FREM2: variants seen among roughly 807,000 people sequenced by gnomAD.
FREM2 encodes FRAS1-related extracellular matrix protein 2.
Under a neutral mutation model 219.9 loss-of-function variants are expected in FREM2, and 119 were observed. The observed-to-expected ratio is 0.54, with a 90% CI of 0.47 to 0.63. The LOEUF (loss-of-function observed/expected upper bound fraction) is 0.63, where lower values mean the gene tolerates loss of function less well. Ranked by LOEUF, FREM2 falls within the 30% of genes least tolerant of loss-of-function variation. FREM2 has a pLI of 0.00. For missense variants in FREM2, 4,030 were observed against 3,993.6 expected (o/e 1.01, Z -0.25); for synonymous variants, 1,562 against 1,522.8 (o/e 1.03, Z -0.60).
chr13:38,758,787 T>C (rs964326366), intron 2 of FREM2, among the ~76,000 whole-genome samples: 1 of 152,228 alleles, frequency 6.6e-6, no homozygotes, highest in African/African-American at 2.4e-5. Context: ...CCATAATCAC[T>C]AGCATTGATT....
intron 4 of FREM2, among the ~76,000 whole-genome samples, chr13:38,778,023 T>C (rs969999290): frequency 6.6e-6 from 1 of 152,242 alleles, no homozygotes; most frequent in African/African-American, 2.4e-5. Context: ...CAAACCTGCA[T>C]GTGTCATAAG....
chr13:38,706,259 G>GA (rs1312198980), intron 2 of FREM2, among the ~76,000 whole-genome samples: 7 of 152,154 alleles, frequency 4.6e-5, no homozygotes, highest in Non-Finnish European at 1.0e-4. Context: ...GGGTAGTTTT[G>GA]ATTGCAAATC....
chr13:38,873,528 G>A (rs1945511), intron 17 of FREM2, among the ~76,000 whole-genome samples: 2 of 152,050 alleles, frequency 1.3e-5, no homozygotes, highest in African/African-American at 4.8e-5. Flanking sequence ...CTGCGAACTC[G>A]GATTGTGAAT....
At chr13:38,861,673 A>C (rs1877768835) in intron 15 of FREM2, 111 bp downstream of exon 15, 3 of 1,207,738 alleles carry the variant, frequency 2.5e-6, no homozygotes, top group East Asian at 4.7e-5. Context: ...TCAATTTGCA[A>C]CTTGAGCTTC....
intron 2 of FREM2, among the ~76,000 whole-genome samples, chr13:38,709,662 A>C (rs1337572211): frequency 6.6e-6 from 1 of 152,158 alleles, no homozygotes; most frequent in African/African-American, 2.4e-5. Context: ...TCCTCAAATC[A>C]CACGGATAAT....
chr13:38,856,330 G>A, intron 12 of FREM2, 74 bp downstream of exon 12: 4 of 1,366,290 alleles, frequency 2.9e-6, no homozygotes, highest in Non-Finnish European at 4.2e-6. Flanking sequence ...CAATCACATA[G>A]TGTACAACAA....
In FREM2 at chr13:38,881,101, G is replaced by T. The variant is rs551804129; in HGVS notation, c.*314G>T. The T allele has an allele frequency of 2.4e-5, 10 of 414,606 alleles. No homozygotes were observed. In the East Asian group the frequency reaches 5.2e-4, roughly 21 times the overall value. 25.7% of individuals were successfully genotyped at this position (414,606 alleles called of 1,614,324 possible). ...GCAGTGGAGATAAATCTATTAAAAGGTGCTAACAGACTCTCTTACAAGTGT... is the reference window on the plus strand; with the variant it reads ...GCAGTGGAGATAAATCTATTAAAAGTTGCTAACAGACTCTCTTACAAGTGT... On this transcript the variant is annotated 3_prime_UTR_variant, in exon 24 of 24. Coordinates refer to ENST00000280481, the MANE Select transcript of FREM2 (RefSeq NM_207361.6).
chr13:38,871,606 G>A (rs9548517), intron 16 of FREM2, among the ~76,000 whole-genome samples: 28,976 of 152,074 alleles, frequency 0.19, 3,021 homozygotes, highest in Admixed American at 0.27. Flanking sequence ...GATCTTGTCC[G>A]AGCCATTCAG....
chr13:38,692,481 G>T lies in FREM2; in HGVS notation c.5137G>T (p.Asp1713Tyr). The T allele has an allele frequency of 1.2e-6, 2 of 1,612,836 alleles. No individual in the cohort carries two copies. The highest frequency in any genetic ancestry group is 8.5e-7 in the Non-Finnish European group (1 of 1,180,000). Residue 1713 changes from aspartate to tyrosine, a missense_variant, in exon 1 of 24, where the codon GAC becomes TAC. Coordinates refer to ENST00000280481, the MANE Select transcript of FREM2 (RefSeq NM_207361.6). The part of the protein sequence containing the change: ...APQHGYLLNL[D>Y]KGNHSITQFT... The stretch of plus-strand genomic sequence containing the variant: ...TCAACATGGATATCTTCTCAACCTG[G>T]ACAAAGGCAACCACAGCATCACTCA...
At chr13:38,693,148 T>G (rs1869966028) in intron 1 of FREM2, among the ~76,000 whole-genome samples, 1 of 152,132 alleles carries the variant, frequency 6.6e-6, no homozygotes, top group African/African-American at 2.4e-5. Flanking sequence ...CTATCTAGAG[T>G]TATAACAATG....
chr13:38,805,495 C>T (rs900453752), intron 6 of FREM2, among the ~76,000 whole-genome samples: 2 of 151,948 alleles, frequency 1.3e-5, no homozygotes, highest in African/African-American at 4.8e-5. Context: ...ACCTGCAGGG[C>T]ATGCAGGTGA....
intron 18 of FREM2, 100 bp from the exon 19 acceptor site, chr13:38,875,922 G>T: frequency 8.8e-7 from 1 of 1,131,758 alleles, no homozygotes; most frequent in East Asian, 2.3e-5. Context: ...AAAAACAGAA[G>T]CAAATAATGT....
At chr13:38,849,887 C>G in intron 8 of FREM2, 151 bp from the exon 9 acceptor site, 1 of 712,568 alleles carries the variant, frequency 1.4e-6, no homozygotes, top group East Asian at 2.7e-5. Flanking sequence ...AAGTGATTTG[C>G]TCAAGGTCAA....
chr13:38,728,727 T>A (rs1196913603), intron 2 of FREM2, among the ~76,000 whole-genome samples: 1 of 152,182 alleles, frequency 6.6e-6, no homozygotes, highest in Non-Finnish European at 1.5e-5. Flanking sequence ...CTGTTATTTT[T>A]ATGAATATAT....
intron 10 of FREM2, 98 bp downstream of exon 10, chr13:38,851,206 C>T: frequency 8.5e-7 from 1 of 1,177,276 alleles, no homozygotes; most frequent in South Asian, 1.3e-5. Flanking sequence ...CCCACCTCCT[C>T]TGCTTTATGA....
At chr13:38,710,008 CA>C (rs1870704614) in intron 2 of FREM2, among the ~76,000 whole-genome samples, 1 of 149,718 alleles carries the variant, frequency 6.7e-6, no homozygotes, top group Non-Finnish European at 1.5e-5. Context: ...CACACACACA[CA>C]CACACACACA....
intron 6 of FREM2, among the ~76,000 whole-genome samples, chr13:38,835,375 A>G (rs1188321088): frequency 6.6e-6 from 1 of 152,022 alleles, no homozygotes; most frequent in African/African-American, 2.4e-5. Flanking sequence ...TTGAAGTCAG[A>G]TAGTGTGATG....
At chr13:38,773,221 C>G (rs1434566068) in intron 4 of FREM2, among the ~76,000 whole-genome samples, 1 of 152,086 alleles carries the variant, frequency 6.6e-6, no homozygotes, top group African/African-American at 2.4e-5. Flanking sequence ...TAACCTGGTC[C>G]AATACTCAGT....
At chr13:38,810,783 T>G (rs1193493669) in intron 6 of FREM2, among the ~76,000 whole-genome samples, 1 of 151,980 alleles carries the variant, frequency 6.6e-6, no homozygotes, top group African/African-American at 2.4e-5. Flanking sequence ...GTTTTCTTTT[T>G]TTATATGTCT....
Sources: allele counts gnomAD v4.1 joint callset (sites outside exome capture counted in the v4.1 genomes callset), GRCh38; gene constraint gnomAD v4.1.1; transcripts MANE v1.5; gene names NCBI Gene and HGNC (gene_info 2026-07-23, HGNC 2026-07-21).